Variants in MDGA2 observed in about 807,000 individuals in gnomAD.
The protein encoded by MDGA2 is MAM domain containing glycosylphosphatidylinositol anchor 2, also known as MAM domain-containing glycosylphosphatidylinositol anchor protein 2.
Under a neutral mutation model 117.8 loss-of-function variants are expected in MDGA2, and 40 were observed. The observed-to-expected ratio is 0.34, with a 90% CI of 0.26 to 0.44. The LOEUF is 0.44. Ranked by LOEUF, MDGA2 falls within the 20% of genes least tolerant of loss-of-function variation. The pLI is 1.00. For missense variants in MDGA2, 1,123 were observed against 1,250.6 expected (o/e 0.90, Z 1.54); for synonymous variants, 452 against 439.0 (o/e 1.03, Z -0.37).
chr14:47,086,094 G>GTT (rs11331632), intron 6 of MDGA2, among the ~76,000 whole-genome samples: 1 of 141,770 alleles, frequency 7.1e-6, no homozygotes, highest in East Asian at 2.1e-4. Context: ...AATGTGTAAG[G>GTT]TTTTTTTTTT....
At position 47,343,853 on chromosome 14, in the gene MDGA2, T is replaced by C. The variant is rs1037842977; in HGVS notation, c.281-42303A>G. On this transcript the variant is annotated intron_variant, in intron 1 of 16. Coordinates refer to ENST00000399232, the MANE Select transcript of MDGA2 (RefSeq NM_001113498.3). ...AAAAAAGAAAACAGTTAAGGTAATA[T>C]GCATTAATTCAGAATAAAATAGCCA... Among the ~76,000 whole-genome samples the C allele has an allele frequency of 2.4e-4, 37 of 152,220 alleles. 1 individual carries two copies. The highest frequency in any genetic ancestry group is 6.5e-4 in the African/African-American group (27 of 41,532).
chr14:47,628,632 A>G (rs997419411), intron 1 of MDGA2, among the ~76,000 whole-genome samples: 2 of 152,242 alleles, frequency 1.3e-5, no homozygotes, highest in Admixed American at 1.3e-4. Flanking sequence ...TATGGTGAAC[A>G]GTACTAACCT....
At chr14:47,279,386 C>T (rs1888403639) in intron 2 of MDGA2, among the ~76,000 whole-genome samples, 1 of 152,110 alleles carries the variant, frequency 6.6e-6, no homozygotes, top group South Asian at 2.1e-4. Context: ...TATTCACATT[C>T]TTAGACCATG....
At chr14:47,490,960 A>G (rs1894156519) in intron 1 of MDGA2, among the ~76,000 whole-genome samples, 1 of 152,102 alleles carries the variant, frequency 6.6e-6, no homozygotes, top group African/African-American at 2.4e-5. Flanking sequence ...CTGTGACAAG[A>G]TTGCTGTCGA....
At chr14:46,843,154 T>G (rs970773140) in intron 16 of MDGA2, among the ~76,000 whole-genome samples, 4 of 151,930 alleles carry the variant, frequency 2.6e-5, no homozygotes, top group African/African-American at 4.8e-5. Flanking sequence ...AAAAAAAAAC[T>G]AATTATAAAA....
At chr14:47,362,044 A>G (rs1238658164) in intron 1 of MDGA2, among the ~76,000 whole-genome samples, 2 of 152,198 alleles carry the variant, frequency 1.3e-5, no homozygotes, top group African/African-American at 4.8e-5. Context: ...ATGAGACAGC[A>G]TACATCTATT....
intron 8 of MDGA2, among the ~76,000 whole-genome samples, chr14:47,012,686 G>A (rs1887935657): frequency 1.3e-5 from 2 of 152,022 alleles, no homozygotes; most frequent in African/African-American, 4.8e-5. Flanking sequence ...TGTTAACCTG[G>A]GTGTAGAAGC....
intron 8 of MDGA2, among the ~76,000 whole-genome samples, chr14:46,983,743 G>T (rs1203163833): frequency 6.6e-6 from 1 of 152,018 alleles, no homozygotes; most frequent in Non-Finnish European, 1.5e-5. Flanking sequence ...TTTCAGCTGT[G>T]TGGTAACTTT....
At chr14:47,525,479 G>A (rs962269721) in intron 1 of MDGA2, among the ~76,000 whole-genome samples, 52 of 152,172 alleles carry the variant, frequency 3.4e-4, no homozygotes, top group African/African-American at 1.1e-3. Context: ...GAGGTCAGGA[G>A]TTTGAGACTA....
At chr14:47,662,491 T>C (rs2064799) in intron 1 of MDGA2, among the ~76,000 whole-genome samples, 950 of 11,208 alleles carry the variant, frequency 0.085, 12 homozygotes, top group African/African-American at 0.18. Flanking sequence ...TTTGCATAAG[T>C]AAGCTTAGAG....
At chr14:47,117,734 G>A (rs904952023) in intron 5 of MDGA2, among the ~76,000 whole-genome samples, 1 of 152,074 alleles carries the variant, frequency 6.6e-6, no homozygotes, top group Non-Finnish European at 1.5e-5. Flanking sequence ...GTGGAAATGT[G>A]GCTATCAGGG....
At chr14:46,889,463 T>G (rs1409647385) in intron 10 of MDGA2, among the ~76,000 whole-genome samples, 1 of 152,104 alleles carries the variant, frequency 6.6e-6, no homozygotes, top group Admixed American at 6.6e-5. Context: ...AGAGTTTTCC[T>G]TGAAAGCATC....
intron 1 of MDGA2, among the ~76,000 whole-genome samples, chr14:47,312,945 C>A (rs1354159718): frequency 7.1e-6 from 1 of 140,170 alleles, no homozygotes; most frequent in East Asian, 2.3e-4. Flanking sequence ...TATATATAAA[C>A]CTATTTTCTC....
chr14:47,631,181 G>GA (rs1384274503), intron 1 of MDGA2, among the ~76,000 whole-genome samples: 2 of 152,132 alleles, frequency 1.3e-5, no homozygotes, highest in African/African-American at 4.8e-5. Flanking sequence ...AGCCAGAGCT[G>GA]AAAACCACTG....
At chr14:47,385,126 C>A (rs1891728296) in intron 1 of MDGA2, among the ~76,000 whole-genome samples, 1 of 152,038 alleles carries the variant, frequency 6.6e-6, no homozygotes, top group South Asian at 2.1e-4. Flanking sequence ...TGATGTATAT[C>A]TAATAATAAA....
chr14:47,236,440 A>G (rs561841683), intron 2 of MDGA2, among the ~76,000 whole-genome samples: 1 of 152,298 alleles, frequency 6.6e-6, no homozygotes, highest in African/African-American at 2.4e-5. Flanking sequence ...ATGAGAGGTA[A>G]CATAAAGAGA....
intron 1 of MDGA2, among the ~76,000 whole-genome samples, chr14:47,418,133 G>C (rs896301088): frequency 1.3e-5 from 2 of 152,090 alleles, no homozygotes; most frequent in African/African-American, 4.8e-5. Context: ...CTGGAGAACA[G>C]TGGCATGATC....
chr14:47,332,801 C>A (rs1890331211), intron 1 of MDGA2, among the ~76,000 whole-genome samples: 1 of 151,804 alleles, frequency 6.6e-6, no homozygotes, highest in South Asian at 2.1e-4. Flanking sequence ...TCAGCCCTCG[C>A]CCCCTCCCAA....
At chr14:47,386,152 G>A (rs530373903) in intron 1 of MDGA2, among the ~76,000 whole-genome samples, 2 of 152,016 alleles carry the variant, frequency 1.3e-5, no homozygotes, top group East Asian at 3.9e-4. Context: ...CATGGTGGGG[G>A]GCACCTGTAA....
Sources: allele counts gnomAD v4.1 joint callset (sites outside exome capture counted in the v4.1 genomes callset), GRCh38; gene constraint gnomAD v4.1.1; transcripts MANE v1.5; gene names NCBI Gene and HGNC (gene_info 2026-07-23, HGNC 2026-07-21).